The following CYTH1 variants were observed in gnomAD, a reference collection of about 807,000 sequenced individuals.
CYTH1 encodes the protein cytohesin 1.
Under a neutral mutation model 61.8 loss-of-function variants are expected in CYTH1, and 18 were observed. The ratio of observed to expected loss-of-function variants is 0.29; its 90% CI spans 0.20 to 0.43. CYTH1 has a LOEUF of 0.43. Ranked by LOEUF, CYTH1 falls within the 20% of genes least tolerant of loss-of-function variation. CYTH1 has a pLI of 1.00. For synonymous variants in CYTH1, 174 were observed against 184.3 expected (o/e 0.94, Z 0.45); for missense variants, 336 against 510.5 (o/e 0.66, Z 3.29).
Position 78,696,010 on chromosome 17 carries a change from C to G in CYTH1, c.812-1G>C. ...GAGCAGGCTGAGGGTTACATACCTCCTGGAGTTTGGGGCAAGGAAAAGGAG... is the reference window on the plus strand; with the variant it reads ...GAGCAGGCTGAGGGTTACATACCTCGTGGAGTTTGGGGCAAGGAAAAGGAG... On this transcript the variant is annotated splice_acceptor_variant, in intron 9 of 13. Coordinates refer to ENST00000446868, the MANE Select transcript of CYTH1 (RefSeq NM_004762.6). LOFTEE classifies it high-confidence loss of function. 7.3e-7 allele frequency: 1 copy of G among 1,367,830 alleles called. No individual in the cohort carries two copies. The highest frequency in any genetic ancestry group is 9.8e-7 in the Non-Finnish European group (1 of 1,021,954). The allele number at this position is 1,367,830 out of a possible 1,614,324, so 84.7% of individuals were successfully genotyped here.
intron 1 of CYTH1, among the ~76,000 whole-genome samples, chr17:78,722,982 C>T (rs1417634282): frequency 6.6e-6 from 1 of 152,176 alleles, no homozygotes; most frequent in African/African-American, 2.4e-5. Flanking sequence ...GTTCCTAAGT[C>T]TCAGGCTTAG....
At chr17:78,752,703 A>G (rs2093385168) in intron 1 of CYTH1, among the ~76,000 whole-genome samples, 1 of 152,322 alleles carries the variant, frequency 6.6e-6, no homozygotes, top group Middle Eastern at 3.4e-3. Flanking sequence ...TGCTGAGATT[A>G]CAGGCGTGAG....
intron 3 of CYTH1, among the ~76,000 whole-genome samples, chr17:78,703,111 T>A (rs540766060): frequency 2.0e-5 from 3 of 150,146 alleles, no homozygotes; most frequent in South Asian, 2.2e-4. Flanking sequence ...ACATGATTTT[T>A]AAAAAAACTT....
At chr17:78,685,065 G>A (rs1160926891) in intron 11 of CYTH1, among the ~76,000 whole-genome samples, 1 of 151,972 alleles carries the variant, frequency 6.6e-6, no homozygotes, top group Non-Finnish European at 1.5e-5. Context: ...CGCATGTGGT[G>A]GCACGTGCCT....
At chr17:78,722,957 A>G (rs1050799479) in intron 1 of CYTH1, among the ~76,000 whole-genome samples, 8 of 152,010 alleles carry the variant, frequency 5.3e-5, no homozygotes, top group Non-Finnish European at 7.4e-5. Flanking sequence ...GACCAAGGAA[A>G]TTGACTACTG....
chr17:78,702,502 C>A, intron 4 of CYTH1, 36 bp downstream of exon 4: 1 of 1,608,026 alleles, frequency 6.2e-7, no homozygotes. Context: ...AAAACCCCAT[C>A]TAATATGGAC....
At chr17:78,760,015 C>T (rs1433224686) in intron 1 of CYTH1, among the ~76,000 whole-genome samples, 1 of 152,000 alleles carries the variant, frequency 6.6e-6, no homozygotes, top group African/African-American at 2.4e-5. Context: ...CTGGATCTGC[C>T]CTGGTACGTT....
At position 78,699,343 on chromosome 17, in the gene CYTH1, G is replaced by A. The variant is rs536409588; in HGVS notation, c.551-375C>T. Among the ~76,000 whole-genome samples, 3 of 150,692 alleles carry A rather than the reference G, an allele frequency of 2.0e-5. 1 individual carries two copies. The highest frequency in any genetic ancestry group is 7.3e-5 in the African/African-American group (3 of 41,020). On this transcript the variant is annotated intron_variant, in intron 7 of 13. Coordinates refer to ENST00000446868, the MANE Select transcript of CYTH1 (RefSeq NM_004762.6). ...AGCGCCACTGCACTCCAGCCTGGGCGACAGAGTGAGACTCCATCTCAGAAA... is the reference window on the plus strand; with the variant it reads ...AGCGCCACTGCACTCCAGCCTGGGCAACAGAGTGAGACTCCATCTCAGAAA...
At chr17:78,772,886 G>A (rs2093477193) in intron 1 of CYTH1, among the ~76,000 whole-genome samples, 1 of 151,872 alleles carries the variant, frequency 6.6e-6, no homozygotes, top group African/African-American at 2.4e-5. Flanking sequence ...CAGGAGTACA[G>A]TGGCACGATC....
chr17:78,711,189 G>A (rs913062270), intron 1 of CYTH1, among the ~76,000 whole-genome samples: 9 of 151,608 alleles, frequency 5.9e-5, no homozygotes, highest in Non-Finnish European at 1.3e-4. Flanking sequence ...GTAAACCCGG[G>A]AGGTGGAGGT....
chr17:78,707,144 C>T (rs1237372528), intron 3 of CYTH1, among the ~76,000 whole-genome samples: 4 of 152,234 alleles, frequency 2.6e-5, no homozygotes, highest in East Asian at 1.9e-4. Flanking sequence ...AGAGACTGGC[C>T]GTGGTGAGCT....
intron 11 of CYTH1, among the ~76,000 whole-genome samples, chr17:78,687,281 T>A (rs921705606): frequency 6.6e-6 from 1 of 151,770 alleles, no homozygotes; most frequent in African/African-American, 2.4e-5. Context: ...CTGTAATCAC[T>A]CTTTGGCTGC....
intron 1 of CYTH1, among the ~76,000 whole-genome samples, chr17:78,729,595 C>A (rs544216796): frequency 6.6e-6 from 1 of 152,096 alleles, no homozygotes; most frequent in African/African-American, 2.4e-5. Flanking sequence ...AGAGCACACA[C>A]CTTTTGATTT....
chr17:78,731,755 C>CAAAAAAAAAAAAA (rs376349109), intron 1 of CYTH1, among the ~76,000 whole-genome samples: 1 of 73,672 alleles, frequency 1.4e-5, no homozygotes, highest in Non-Finnish European at 2.6e-5. Flanking sequence ...GACTCCGTCT[C>CAAAAAAAAAAAAA]AAAAAAAAAA....
intron 1 of CYTH1, among the ~76,000 whole-genome samples, chr17:78,736,492 CACT>C (rs2093320782): frequency 6.6e-6 from 1 of 151,964 alleles, no homozygotes; most frequent in Admixed American, 6.6e-5. Context: ...GCTTCCTAAC[CACT>C]AAGAGACTAT....
intron 1 of CYTH1, among the ~76,000 whole-genome samples, chr17:78,749,395 G>A (rs1281340749): frequency 1.3e-5 from 2 of 152,302 alleles, no homozygotes; most frequent in South Asian, 4.1e-4. Flanking sequence ...AGGAGTCAGA[G>A]GTTGCAGTGA....
intron 1 of CYTH1, among the ~76,000 whole-genome samples, chr17:78,773,351 C>T (rs954226119): frequency 2.0e-5 from 3 of 151,970 alleles, no homozygotes; most frequent in South Asian, 4.2e-4. Context: ...ATCTACTGGC[C>T]AGGAGCGGTG....
intron 1 of CYTH1, among the ~76,000 whole-genome samples, chr17:78,770,961 C>T (rs746752021): frequency 5.9e-5 from 9 of 152,064 alleles, no homozygotes; most frequent in Non-Finnish European, 1.3e-4. Flanking sequence ...AACACCGTCT[C>T]TCCTAAAAAT....
At chr17:78,733,903 C>T (rs1324851623) in intron 1 of CYTH1, among the ~76,000 whole-genome samples, 1 of 152,174 alleles carries the variant, frequency 6.6e-6, no homozygotes, top group East Asian at 1.9e-4. Flanking sequence ...GCCTCAGGTC[C>T]CACACCAAAG....
Sources: allele counts gnomAD v4.1 joint callset (sites outside exome capture counted in the v4.1 genomes callset), GRCh38; gene constraint gnomAD v4.1.1; transcripts MANE v1.5; gene names NCBI Gene and HGNC (gene_info 2026-07-23, HGNC 2026-07-21).